PCDHA5: variants seen among roughly 807,000 people sequenced by gnomAD.
PCDHA5 encodes the protein protocadherin alpha-5.
In PCDHA5, 43 loss-of-function variants were observed where a neutral mutation model predicts 61.6. The observed-to-expected ratio is 0.70, with a 90% confidence interval of 0.55 to 0.90. The LOEUF (loss-of-function observed/expected upper bound fraction) is 0.90. Among genes scored for constraint, PCDHA5 ranks in the 40% least tolerant of loss-of-function variants. The probability of loss-of-function intolerance (pLI) is 0.00; values close to 1 mark genes in which losing one functional copy is unlikely to be tolerated. For synonymous variants in PCDHA5, 627 were observed against 543.9 expected (o/e 1.15, Z -2.13); for missense variants, 1,298 against 1,222.7 (o/e 1.06, Z -0.92).
chr5:140,897,975 C>T (rs2066435180), intron 1 of PCDHA5, among the ~76,000 whole-genome samples: 1 of 152,228 alleles, frequency 6.6e-6, no homozygotes. Context: ...CTTTTGGCTG[C>T]ATAAATGTCT....
chr5:140,840,555 T>C (rs1418325429), intron 1 of PCDHA5, among the ~76,000 whole-genome samples: 1 of 152,084 alleles, frequency 6.6e-6, no homozygotes, highest in African/African-American at 2.4e-5. Flanking sequence ...ATGGCAATAC[T>C]GCTAGAGTTT....
At chr5:140,943,826 GA>G (rs1186583699) in intron 1 of PCDHA5, among the ~76,000 whole-genome samples, 5 of 152,198 alleles carry the variant, frequency 3.3e-5, no homozygotes, top group African/African-American at 1.2e-4. Flanking sequence ...AAAATGAGTT[GA>G]TTGAAGTTGT....
chr5:140,920,780 G>A lies in PCDHA5; in HGVS notation c.2353-58169G>A, dbSNP rs187594262. Among the ~76,000 whole-genome samples the A allele has an allele frequency of 7.9e-3, 1,202 of 151,454 alleles. 5 individuals carry two copies. Among genetic ancestry groups the A allele is most frequent in the African/African-American group, 0.019 (781 of 41,244 alleles). ...AATTGCTTACACCTGGGAGGTGGAG[G>A]TTGCAGGGAACCAAGATCACGCCAC... On this transcript the variant is annotated intron_variant, in intron 1 of 3. Transcript: ENST00000529859.
intron 1 of PCDHA5, chr5:140,883,869 A>G: frequency 6.2e-7 from 1 of 1,613,112 alleles, no homozygotes; most frequent in South Asian, 1.1e-5. Context: ...TTGCAGTTCC[A>G]GGTGAGCGCG....
rs147219331 is a variant in PCDHA5, at chr5:140,927,900, T to C, written c.2353-51049T>C. On this transcript the variant is annotated intron_variant, in intron 1 of 3. Transcript: ENST00000529859. Reference sequence around the variant, plus strand: ...TGGAGGTGACTGACGTGAACGATCATGCCCCCGAACTGGACTTCCTGACTC... The same window carrying C: ...TGGAGGTGACTGACGTGAACGATCACGCCCCCGAACTGGACTTCCTGACTC... 2,142 of 1,614,232 alleles carry C rather than the reference T, an allele frequency of 1.3e-3. 2 individuals are homozygous for C. The highest frequency in any genetic ancestry group is 1.7e-3 in the Non-Finnish European group (2,053 of 1,180,040).
rs1554128940 is a variant in PCDHA5, at chr5:140,822,885, G to A, written c.1110G>A (p.Leu370=). 1.2e-6 allele frequency: 2 copies of A among 1,614,088 alleles called. No homozygotes were observed. Among genetic ancestry groups the A allele is most frequent in the African/African-American group, 1.3e-5 (1 of 74,934 alleles). The part of the protein sequence containing the change: ...EDAPLSTVIA[L]ISVSDRDSGA... Reference sequence around the variant, plus strand: ...CTCCACTCAGCACGGTCATTGCTCTGATCAGCGTGTCTGACCGTGACTCAG... The same window carrying A: ...CTCCACTCAGCACGGTCATTGCTCTAATCAGCGTGTCTGACCGTGACTCAG... The change falls in exon 1 of 4, where the codon CTG becomes CTA. Residue 370 remains leucine, a synonymous_variant. Coordinates refer to ENST00000529859, the MANE Select transcript of PCDHA5 (RefSeq NM_018908.3).
intron 1 of PCDHA5, among the ~76,000 whole-genome samples, chr5:140,922,915 A>G (rs1184691604): frequency 6.6e-6 from 1 of 152,224 alleles, no homozygotes; most frequent in Non-Finnish European, 1.5e-5. Context: ...ATACAAATAA[A>G]CTTCAGACTT....
chr5:140,962,557 C>A (rs1554226125), intron 1 of PCDHA5, among the ~76,000 whole-genome samples: 2 of 152,112 alleles, frequency 1.3e-5, no homozygotes, highest in Admixed American at 6.6e-5. Flanking sequence ...AGGATCTCCC[C>A]CTAAAAGCCA....
intron 1 of PCDHA5, among the ~76,000 whole-genome samples, chr5:140,827,760 T>C (rs1554130877): frequency 6.6e-6 from 1 of 152,232 alleles, no homozygotes; most frequent in Non-Finnish European, 1.5e-5. Context: ...TACTTTAAAT[T>C]AATAAAAGAA....
chr5:140,847,230 A>G (rs1780911631), intron 1 of PCDHA5, among the ~76,000 whole-genome samples: 1 of 149,868 alleles, frequency 6.7e-6, no homozygotes, highest in Admixed American at 6.7e-5. Flanking sequence ...GAGCTATTTA[A>G]CTACCTTGAG....
chr5:140,927,236 T>G, intron 1 of PCDHA5: 1 of 1,614,120 alleles, frequency 6.2e-7, no homozygotes, highest in Non-Finnish European at 8.5e-7. Context: ...ATTCACGTCC[T>G]GGACACCAAT....
At chr5:140,898,956 T>G (rs1352076218) in intron 1 of PCDHA5, among the ~76,000 whole-genome samples, 1 of 152,130 alleles carries the variant, frequency 6.6e-6, no homozygotes, top group African/African-American at 2.4e-5. Flanking sequence ...GAAGCAGTTG[T>G]GAATGGGAGT....
chr5:140,856,140 A>G lies in PCDHA5; in HGVS notation c.2352+32013A>G, dbSNP rs782672623. Reference sequence around the variant, plus strand: ...TGGGAGGTGGGGAGCGGCCAGCTCCACTACTCAGTCTACGAGGAGGCCAGA... The same window carrying G: ...TGGGAGGTGGGGAGCGGCCAGCTCCGCTACTCAGTCTACGAGGAGGCCAGA... On this transcript the variant is annotated intron_variant, in intron 1 of 3. Transcript: ENST00000529859. 4.4e-6 allele frequency: 7 copies of G among 1,598,030 alleles called. 1 individual carries two copies. The African/African-American group carries it at 8.1e-5, about 18-fold the overall frequency.
intron 1 of PCDHA5, chr5:140,870,427 G>C: frequency 6.2e-7 from 1 of 1,614,220 alleles, no homozygotes; most frequent in Non-Finnish European, 8.5e-7. Context: ...CAGGGTATCC[G>C]TGGAGGTGGC....
At chr5:140,955,716 A>G (rs2095221843) in intron 1 of PCDHA5, among the ~76,000 whole-genome samples, 1 of 152,220 alleles carries the variant, frequency 6.6e-6, no homozygotes, top group African/African-American at 2.4e-5. Flanking sequence ...TAATAGGAAT[A>G]CCATTGAATC....
In PCDHA5 at chr5:140,928,308, C is replaced by T. The variant is rs1554205728; in HGVS notation, c.2353-50641C>T. On this transcript the variant is annotated intron_variant, in intron 1 of 3. Transcript: ENST00000529859. The stretch of plus-strand genomic sequence containing the variant: ...TAGGCCGAGTGTTTGCCCAGGACCC[C>T]GACCTGGGGAAGAATGGCCTTGTCT... 3.7e-6 allele frequency: 6 copies of T among 1,614,008 alleles called. No individual in the cohort carries two copies. The South Asian group carries it at 5.5e-5, about 15-fold the overall frequency.
At position 140,858,002 on chromosome 5, in the gene PCDHA5, G is replaced by A. The variant is rs782820218; in HGVS notation, c.2352+33875G>A. On this transcript the variant is annotated intron_variant, in intron 1 of 3. Transcript: ENST00000529859. The stretch of plus-strand genomic sequence containing the variant: ...CCAGCGCCTACTGGTGCTGGTGAAG[G>A]ACCATGGCGAGCCGTCGCTGACGGC... 1.9e-6 allele frequency: 3 copies of A among 1,596,800 alleles called. No homozygotes were observed. The Admixed American group carries it at 5.1e-5, about 27-fold the overall frequency.
intron 1 of PCDHA5, chr5:140,877,747 T>C (rs1554170075): frequency 1.2e-6 from 2 of 1,614,172 alleles, no homozygotes; most frequent in Non-Finnish European, 8.5e-7. Context: ...GCAGAGGGTG[T>C]GCTCTGCAGA....
At chr5:140,968,332 C>T (rs2096240603) in intron 1 of PCDHA5, 2 of 1,614,158 alleles carry the variant, frequency 1.2e-6, no homozygotes, top group Non-Finnish European at 1.7e-6. Flanking sequence ...CCTCCTATGT[C>T]TCCATTAACA....
Sources: allele counts gnomAD v4.1 joint callset (sites outside exome capture counted in the v4.1 genomes callset), GRCh38; gene constraint gnomAD v4.1.1; transcripts MANE v1.5; gene names NCBI Gene and HGNC (gene_info 2026-07-23, HGNC 2026-07-21).